The following RNGTT variants were observed in gnomAD, a reference collection of about 807,000 sequenced individuals.
RNGTT encodes mRNA-capping enzyme.
A neutral mutation model predicts 79.3 loss-of-function variants in RNGTT; 33 were observed. That is an observed-to-expected ratio of 0.42 (90% confidence interval 0.32 to 0.56). The LOEUF (loss-of-function observed/expected upper bound fraction) is 0.56, where lower values mean the gene tolerates loss of function less well. RNGTT is among the 20% of genes least tolerant of loss of function. The probability of loss-of-function intolerance (pLI) is 0.17; values close to 1 mark genes in which losing one functional copy is unlikely to be tolerated. For synonymous variants in RNGTT, 222 were observed against 235.9 expected, an observed-to-expected ratio of 0.94 and a Z score of 0.54; for missense variants, 497 against 739.1, an observed-to-expected ratio of 0.67 and a Z score of 3.80.
Position 88,849,796 on chromosome 6 carries a change from C to T in RNGTT, c.1063G>A (p.Ala355Thr), listed in dbSNP as rs1414722694. Residue 355 changes from alanine (A) to threonine (T), a missense_variant, in exon 10 of 16, where the codon GCT becomes ACT. Ala to Thr is a moderately conservative substitution (Grantham distance 58, BLOSUM62 0). Transcript: ENST00000369485. ...TCATATATCAAATATCTAGGAACAG[C>T]CTGTCCATTTACTCTGTCAATAATC... ...EMIIDRVNGQAVPRYLIYDII... is the reference protein window; with the variant it reads ...EMIIDRVNGQTVPRYLIYDII... 1.9e-6 allele frequency: 3 copies of T among 1,569,436 alleles called. No homozygotes were observed. The highest frequency in any genetic ancestry group is 2.6e-6 in the Non-Finnish European group (3 of 1,158,604).
rs1374142712 is a variant in RNGTT, at chr6:88,674,580, T to G, written c.1506+3773A>C. Among the ~76,000 whole-genome samples the G allele has an allele frequency of 2.0e-5, 3 of 152,050 alleles. No homozygotes were observed. The East Asian group carries it at 5.8e-4, about 30-fold the overall frequency. On this transcript the variant is annotated intron_variant, in intron 14 of 15. Transcript: ENST00000369485. ...AAGATGTTGATATGATGACTGAACA[T>G]CTTCAGTATTAAGTATCTTGCATAT...
intron 6 of RNGTT, among the ~76,000 whole-genome samples, chr6:88,902,047 G>A (rs1246252676): frequency 1.3e-5 from 2 of 152,082 alleles, no homozygotes; most frequent in African/African-American, 4.8e-5. Flanking sequence ...CCATGGCCGG[G>A]CATGGTGGCA....
At chr6:88,936,507 G>A (rs781672717) in intron 2 of RNGTT, among the ~76,000 whole-genome samples, 1 of 152,066 alleles carries the variant, frequency 6.6e-6, no homozygotes, top group Non-Finnish European at 1.5e-5. Flanking sequence ...CGTTAGCTGT[G>A]GGCTTGTCAT....
intron 12 of RNGTT, among the ~76,000 whole-genome samples, chr6:88,783,335 A>G (rs1038274556): frequency 2.6e-5 from 4 of 152,180 alleles, no homozygotes; most frequent in African/African-American, 4.8e-5. Flanking sequence ...TGGAATCTCA[A>G]TTAGTCAAAC....
At chr6:88,751,636 T>C (rs1299357685) in intron 13 of RNGTT, among the ~76,000 whole-genome samples, 2 of 152,034 alleles carry the variant, frequency 1.3e-5, no homozygotes, top group African/African-American at 4.8e-5. Context: ...AACCCTCTCA[T>C]TGGTAAGAGG....
At chr6:88,696,708 TCTTA>T (rs1251605770) in intron 13 of RNGTT, among the ~76,000 whole-genome samples, 2 of 152,158 alleles carry the variant, frequency 1.3e-5, no homozygotes, top group Admixed American at 1.3e-4. Flanking sequence ...AAATTCTGAA[TCTTA>T]CTTTGTTTTT....
At chr6:88,714,153 G>A (rs1307240152) in intron 13 of RNGTT, 3 of 152,058 alleles carry the variant, frequency 2.0e-5, no homozygotes, top group African/African-American at 7.2e-5. Context: ...TAATAACTGG[G>A]TAAAATACTG....
chr6:88,708,934 T>C (rs115045595), intron 13 of RNGTT, among the ~76,000 whole-genome samples: 1 of 152,070 alleles, frequency 6.6e-6, no homozygotes, highest in Non-Finnish European at 1.5e-5. Context: ...TCGAAACACA[T>C]AGTATTATTC....
intron 13 of RNGTT, among the ~76,000 whole-genome samples, chr6:88,737,111 T>G (rs1394932067): frequency 6.6e-6 from 1 of 152,202 alleles, no homozygotes; most frequent in Non-Finnish European, 1.5e-5. Flanking sequence ...CTAATGGAAT[T>G]TCCTCGATAG....
At chr6:88,640,546 C>CAAAAAA (rs71541174) in intron 14 of RNGTT, among the ~76,000 whole-genome samples, 1 of 67,932 alleles carries the variant, frequency 1.5e-5, no homozygotes, top group African/African-American at 5.4e-5. Context: ...GACCTTGTCT[C>CAAAAAA]AAAAAAAAAA....
Position 88,904,701 on chromosome 6 carries a change from T to A in RNGTT, c.684+14A>T. 6.3e-7 allele frequency: 1 copy of A among 1,591,410 alleles called. No individual in the cohort carries two copies. Among genetic ancestry groups the A allele is most frequent in the Non-Finnish European group, 8.5e-7 (1 of 1,172,940 alleles). Reference sequence around the variant, plus strand: ...AGGAAAAAAAAAACCTATTATAATATTTTTAAACATTACCAGTTTTAACCG... The same window carrying A: ...AGGAAAAAAAAAACCTATTATAATAATTTTAAACATTACCAGTTTTAACCG... On this transcript the variant is annotated intron_variant, in intron 6 of 15. Coordinates refer to ENST00000369485, the MANE Select transcript of RNGTT (RefSeq NM_003800.5).
chr6:88,647,120 C>T (rs1730941640), intron 14 of RNGTT, among the ~76,000 whole-genome samples: 1 of 151,924 alleles, frequency 6.6e-6, no homozygotes, highest in Non-Finnish European at 1.5e-5. Flanking sequence ...TATATTGAAC[C>T]AGATATATGC....
intron 5 of RNGTT, among the ~76,000 whole-genome samples, chr6:88,906,060 T>A (rs534632972): frequency 2.0e-5 from 3 of 152,252 alleles, no homozygotes; most frequent in African/African-American, 7.2e-5. Context: ...GGCGGGAGGA[T>A]TGCTTGATCC....
At chr6:88,953,345 A>G (rs1048674446) in intron 1 of RNGTT, among the ~76,000 whole-genome samples, 1 of 152,172 alleles carries the variant, frequency 6.6e-6, no homozygotes, top group African/African-American at 2.4e-5. Flanking sequence ...AAATTTTAAT[A>G]ATAGACTAGA....
chr6:88,859,024 C>T (rs1281979368), intron 8 of RNGTT, among the ~76,000 whole-genome samples: 4 of 151,592 alleles, frequency 2.6e-5, no homozygotes, highest in Non-Finnish European at 5.9e-5. Context: ...CAGGATCTCA[C>T]TCTGTCACCC....
At chr6:88,805,927 G>C (rs939669736) in intron 11 of RNGTT, among the ~76,000 whole-genome samples, 2 of 152,186 alleles carry the variant, frequency 1.3e-5, no homozygotes, top group Admixed American at 6.6e-5. Context: ...GCAGCCAACT[G>C]CTGAGAAAAT....
chr6:88,678,949 C>G (rs999185062), intron 13 of RNGTT, among the ~76,000 whole-genome samples: 1 of 152,060 alleles, frequency 6.6e-6, no homozygotes, highest in Non-Finnish European at 1.5e-5. Flanking sequence ...ATAAAAGTTA[C>G]ACTGAGTGTG....
chr6:88,643,879 A>T (rs1175162306), intron 14 of RNGTT, among the ~76,000 whole-genome samples: 1 of 152,240 alleles, frequency 6.6e-6, no homozygotes, highest in Non-Finnish European at 1.5e-5. Flanking sequence ...GTATGGCACT[A>T]AATGCCCACA....
At chr6:88,768,802 T>C (rs753760639) in intron 13 of RNGTT, among the ~76,000 whole-genome samples, 27 of 152,122 alleles carry the variant, frequency 1.8e-4, no homozygotes, top group Admixed American at 1.1e-3. Context: ...TTTGGAAAAA[T>C]GTTGAAAATA....
Sources: allele counts gnomAD v4.1 joint callset (sites outside exome capture counted in the v4.1 genomes callset), GRCh38; gene constraint gnomAD v4.1.1; transcripts MANE v1.5; gene names NCBI Gene and HGNC (gene_info 2026-07-23, HGNC 2026-07-21).